CDC25B: variants seen among roughly 807,000 people sequenced by gnomAD.
CDC25B encodes the protein cell division cycle 25B.
A neutral mutation model predicts 69.8 loss-of-function variants in CDC25B; 33 were observed. The observed-to-expected ratio is 0.47, with a 90% CI of 0.36 to 0.63. The LOEUF is 0.63. Ranked by LOEUF, CDC25B falls within the 30% of genes least tolerant of loss-of-function variation. The probability of loss-of-function intolerance (pLI) is 0.00; values close to 1 mark genes in which losing one functional copy is unlikely to be tolerated. For synonymous variants in CDC25B, 341 were observed against 314.6 expected (o/e 1.08, Z -0.89); for missense variants, 727 against 809.1 (o/e 0.90, Z 1.23).
intron 1 of CDC25B, 22 bp from the exon 2 acceptor site, chr20:3,797,600 C>G (rs747545009): frequency 6.2e-7 from 1 of 1,613,314 alleles, no homozygotes; most frequent in African/African-American, 1.3e-5. Flanking sequence ...TCTCCTTTCC[C>G]GGGTCCCTGT....
intron 3 of CDC25B, 72 bp from the exon 4 acceptor site, chr20:3,800,216 G>GGAGACCTGGTGCTAGGGACT: frequency 1.4e-6 from 2 of 1,468,912 alleles, no homozygotes; most frequent in Non-Finnish European, 1.9e-6. Flanking sequence ...CCCCTGGACT[G>GGAGACCTGGTGCTAGGGACT]GGGGCCTGGT....
chr20:3,800,604 A>G lies in CDC25B; in HGVS notation c.459+106A>G, dbSNP rs1036451818. 16 of 1,579,448 alleles carry G rather than the reference A, an allele frequency of 1.0e-5. No individual in the cohort carries two copies. In the Admixed American group the frequency reaches 2.7e-4, roughly 26 times the overall value. On this transcript the variant is annotated intron_variant, in intron 5 of 15. Transcript: ENST00000245960. ...ACCTCCCAGCTGGGTGTCCCCAGGC[A>G]GGCTGTAGGAGATGGGGTTTCAGAG...
At chr20:3,800,214 C>CTGGAGACCTGGTGCTAGGGAA in intron 3 of CDC25B, 74 bp from the exon 4 acceptor site, 1 of 1,462,598 alleles carries the variant, frequency 6.8e-7, no homozygotes, top group Non-Finnish European at 9.6e-7. Context: ...CCCCCCTGGA[C>CTGGAGACCTGGTGCTAGGGAA]TGGGGGCCTG....
intron 11 of CDC25B, 59 bp downstream of exon 11, chr20:3,802,435 C>A: frequency 8.2e-7 from 1 of 1,223,752 alleles, no homozygotes; most frequent in Non-Finnish European, 1.2e-6. Flanking sequence ...ACTAGGGGTC[C>A]TCTAGCCCAG....
chr20:3,795,483 G>C (rs979276622), upstream of CDC25B, among the ~76,000 whole-genome samples: 3 of 152,234 alleles, frequency 2.0e-5, no homozygotes, highest in South Asian at 2.1e-4. Flanking sequence ...GGTGCCATTG[G>C]CACCAAGTTA....
Position 3,803,245 on chromosome 20 carries a change from C to T in CDC25B, c.1356+39C>T. On this transcript the variant is annotated intron_variant, in intron 13 of 15. Coordinates refer to ENST00000245960, the MANE Select transcript of CDC25B (RefSeq NM_021873.4). This position sits in a 1 kb window ranked among gnomAD's most constrained non-coding sequence, Gnocchi z 4.9. ...ATGGGGAGAGGCCCTGAAGATCCCA[C>T]CTGGTTTAGGTCCTTGCTTTGCCAA... The T allele has an allele frequency of 6.3e-7, 1 of 1,581,932 alleles. No individual in the cohort carries two copies. Among genetic ancestry groups the T allele is most frequent in the Non-Finnish European group, 8.7e-7 (1 of 1,153,388 alleles).
In CDC25B at chr20:3,796,430, C is replaced by CAAA; in HGVS notation, c.-101_-100insAAA. 2.8e-6 allele frequency: 1 copy of CAAA among 355,038 alleles called. No individual in the cohort carries two copies. The highest frequency in any genetic ancestry group is 4.1e-6 in the Non-Finnish European group (1 of 246,630). 22.0% of individuals were successfully genotyped at this position (355,038 alleles called of 1,614,324 possible). A position where few individuals can be genotyped will look rare whatever the true frequency, so the allele number is the denominator to read the frequency against. ...CTCCCTCCCTCCTTCCCCCCCCCCC[C>CAAA]ACCCCTCGCCCGCTGCCTCCCTCGG... is the stretch of plus-strand genomic sequence containing the variant. On this transcript the variant is annotated 5_prime_UTR_variant, in exon 1 of 16. Transcript: ENST00000245960.
intron 1 of CDC25B, among the ~76,000 whole-genome samples, chr20:3,797,386 T>TTGC (rs2089096067): frequency 6.6e-6 from 1 of 152,216 alleles, no homozygotes; most frequent in African/African-American, 2.4e-5. Flanking sequence ...TGGGCTCACC[T>TTGC]TGCCCTGCTC....
upstream of CDC25B, chr20:3,796,221 T>A: frequency 3.3e-6 from 4 of 1,216,278 alleles, no homozygotes; most frequent in Non-Finnish European, 4.1e-6. Context: ...CCCGCCCTCA[T>A]CTAACCCGCT....
intron 1 of CDC25B, among the ~76,000 whole-genome samples, chr20:3,789,698 AAG>A (rs1568497788): frequency 6.6e-6 from 1 of 152,116 alleles, no homozygotes; most frequent in Non-Finnish European, 1.5e-5. Context: ...AATAAAAATA[AAG>A]AGAACAACAT....
In CDC25B at chr20:3,804,521, A is replaced by G. The variant is rs370641289; in HGVS notation, c.1491-48A>G. ...TGGGGGATAGGTCCCATGATGTACA[A>G]GCCACTGCATGCCCCACTCTGACCA... On this transcript the variant is annotated intron_variant, in intron 14 of 15. Coordinates refer to ENST00000245960, the MANE Select transcript of CDC25B (RefSeq NM_021873.4). 48 of 1,213,328 alleles carry G rather than the reference A, an allele frequency of 4.0e-5. No homozygotes were observed. In the African/African-American group the frequency reaches 6.7e-4, roughly 17 times the overall value. 75.2% of individuals were successfully genotyped at this position (1,213,328 alleles called of 1,614,324 possible).
At chr20:3,796,804 G>A in intron 1 of CDC25B, 73 bp downstream of exon 1, 1 of 1,487,646 alleles carries the variant, frequency 6.7e-7, no homozygotes. Flanking sequence ...CTGGAGAACT[G>A]GGCATGGTAG....
rs1442392316 is a variant in CDC25B at position 3,802,979 on chromosome 20, A to G, written c.1257+7A>G. On this transcript the variant is annotated splice_region_variant and intron_variant, in intron 12 of 15. Transcript: ENST00000245960. ...GTACATCTCACCAGAAACGGTAAAC[A>G]GCGTTGCGTCATTTTCTAGGCAGAT... 1 of 1,613,342 alleles carries G rather than the reference A, an allele frequency of 6.2e-7. No homozygotes were observed. Among genetic ancestry groups the G allele is most frequent in the Admixed American group, 1.7e-5 (1 of 60,012 alleles).
intron 3 of CDC25B, 143 bp downstream of exon 3, chr20:3,798,606 A>G (rs1389608761): frequency 1.8e-6 from 1 of 549,052 alleles, no homozygotes; most frequent in Non-Finnish European, 3.2e-6. Context: ...CGGGGGGCTC[A>G]CTGACTTTCT....
At chr20:3,799,157 G>C (rs2089172618) in intron 3 of CDC25B, among the ~76,000 whole-genome samples, 1 of 152,174 alleles carries the variant, frequency 6.6e-6, no homozygotes, top group Non-Finnish European at 1.5e-5. Context: ...GCCTGTGCTG[G>C]GGACTGTGGC....
In CDC25B at chr20:3,802,954, G is replaced by A. The variant is rs1370762890; in HGVS notation, c.1239G>A (p.Lys413=). The change falls in exon 12 of 16, where the codon AAG becomes AAA. Residue 413 remains lysine, a synonymous_variant. Transcript: ENST00000245960. ...TAGACGGAAAGCACCAAGACCTCAAGTACATCTCACCAGAAACGGTAAACA... is the reference window on the plus strand; with the variant it reads ...TAGACGGAAAGCACCAAGACCTCAAATACATCTCACCAGAAACGGTAAACA... ...QTVDGKHQDL[K]YISPETMVAL... is the part of the protein sequence containing the mutation. 9.3e-6 allele frequency: 15 copies of A among 1,613,948 alleles called. No homozygotes were observed. Among genetic ancestry groups the A allele is most frequent in the African/African-American group, 1.3e-5 (1 of 74,906 alleles).
At chr20:3,791,898 A>C (rs1027331742), upstream of CDC25B, among the ~76,000 whole-genome samples, 10 of 152,288 alleles carry the variant, frequency 6.6e-5, no homozygotes, top group African/African-American at 2.2e-4. Flanking sequence ...GGTATAGAAC[A>C]GTGGTTTTTA....
At position 3,800,755 on chromosome 20, in the gene CDC25B, G is replaced by A; in HGVS notation, c.472G>A (p.Gly158Ser). The change falls in exon 6 of 16, where the codon GGC (glycine) becomes AGC (serine). Residue 158 changes from glycine to serine, a missense_variant. Coordinates refer to ENST00000245960, the MANE Select transcript of CDC25B (RefSeq NM_021873.4). ...RFQSMPVRLL[G>S]HSPVLRNITN... ...CCTGGCTCTCTAGGTGAGGCTGCTG[G>A]GCCACAGCCCCGTGCTTCGGAACAT... 1 of 1,609,722 alleles carries A rather than the reference G, an allele frequency of 6.2e-7. No homozygotes were observed. Among genetic ancestry groups the A allele is most frequent in the Non-Finnish European group, 8.5e-7 (1 of 1,179,994 alleles).
intron 1 of CDC25B, 117 bp from the exon 2 acceptor site, chr20:3,797,505 C>T: frequency 1.5e-6 from 2 of 1,344,098 alleles, no homozygotes; most frequent in Non-Finnish European, 1.0e-6. Flanking sequence ...CCATTGCTTT[C>T]CCGGTGTAGT....
Sources: gnomAD v4.1 joint callset for allele counts (sites outside exome capture counted in the v4.1 genomes callset) on GRCh38, gnomAD v4.1.1 for gene constraint, Gnocchi (gnomAD v3.1) non-coding constraint, MANE v1.5 for transcripts, NCBI Gene and HGNC (gene_info 2026-07-23, HGNC 2026-07-21) for gene names.